The following SIPA1L1 variants were observed in gnomAD, a reference collection of about 807,000 sequenced individuals.
SIPA1L1 encodes signal-induced proliferation-associated 1-like protein 1.
SIPA1L1 carries 26 observed loss-of-function variants against 162.7 expected under a neutral mutation model. That is an observed-to-expected ratio of 0.16 (90% CI 0.12 to 0.22). The LOEUF (loss-of-function observed/expected upper bound fraction) is 0.22. SIPA1L1 is among the 10% of genes least tolerant of loss of function. The pLI, the probability that SIPA1L1 is intolerant of heterozygous loss-of-function variation, is 1.00. For missense variants in SIPA1L1, 1,874 were observed against 2,241.0 expected, an observed-to-expected ratio of 0.84 and a Z score of 3.31; for synonymous variants, 829 against 837.4, an observed-to-expected ratio of 0.99 and a Z score of 0.17.
At chr14:71,347,167 G>T (rs1161298263) in intron 2 of SIPA1L1, among the ~76,000 whole-genome samples, 1 of 151,622 alleles carries the variant, frequency 6.6e-6, no homozygotes, top group African/African-American at 2.4e-5. Context: ...CACCGCGTTG[G>T]CCAGGCTGGT....
At chr14:71,702,201 C>A in intron 14 of SIPA1L1, 180 bp from the exon 15 acceptor site, 2 of 603,746 alleles carry the variant, frequency 3.3e-6, no homozygotes, top group Non-Finnish European at 5.9e-6. Context: ...GTATATTGAC[C>A]ACAACATACA....
intron 2 of SIPA1L1, among the ~76,000 whole-genome samples, chr14:71,425,964 C>T (rs752076829): frequency 6.6e-5 from 10 of 151,730 alleles, no homozygotes; most frequent in South Asian, 2.1e-4. Context: ...TTAATGTAAG[C>T]GTTTTTGACC....
chr14:71,722,393 C>T (rs1398477563), intron 17 of SIPA1L1, among the ~76,000 whole-genome samples: 3 of 152,182 alleles, frequency 2.0e-5, no homozygotes, highest in East Asian at 1.9e-4. Flanking sequence ...TAGGTCAGGA[C>T]GATTCATTTT....
At position 71,417,150 on chromosome 14, in the gene SIPA1L1, G is replaced by C. The variant is rs537892383; in HGVS notation, c.-464-95593G>C. Among the ~76,000 whole-genome samples, 6 of 152,104 alleles carry C rather than the reference G, an allele frequency of 3.9e-5. No individual in the cohort carries two copies. The South Asian group carries it at 1.2e-3, about 32-fold the overall frequency. On this transcript the variant is annotated intron_variant, in intron 2 of 23. Transcript: ENST00000381232. ...TGAACAGTTGAATAACATGCATTTTGTATGTTATATGTATTATATACTGTG... is the reference window on the plus strand; with the variant it reads ...TGAACAGTTGAATAACATGCATTTTCTATGTTATATGTATTATATACTGTG...
chr14:71,321,951 A>C (rs2140128774), intron 2 of SIPA1L1: 1 of 152,326 alleles, frequency 6.6e-6, no homozygotes, highest in South Asian at 2.1e-4. Flanking sequence ...TCGTTTTCTA[A>C]GAGAAGCATT....
At chr14:71,408,047 T>C (rs548520503) in intron 2 of SIPA1L1, among the ~76,000 whole-genome samples, 1 of 152,332 alleles carries the variant, frequency 6.6e-6, no homozygotes, top group South Asian at 2.1e-4. Flanking sequence ...TTCCAGGTGA[T>C]GTGAGTTGTT....
rs146552013 is a variant in SIPA1L1, at chr14:71,453,217, A to G, written c.-464-59526A>G. ...CAGAACAATATGCCAATAATGACTCATCCCTTCTTTATTCATAGTAACTTT... is the reference window on the plus strand; with the variant it reads ...CAGAACAATATGCCAATAATGACTCGTCCCTTCTTTATTCATAGTAACTTT... On this transcript the variant is annotated intron_variant, in intron 2 of 23. Transcript: ENST00000381232. Among the ~76,000 whole-genome samples, 12 of 152,334 alleles carry G rather than the reference A, an allele frequency of 7.9e-5. No homozygotes were observed. The East Asian group carries it at 2.1e-3, about 27-fold the overall frequency.
chr14:71,646,218 C>A (rs921803617), intron 7 of SIPA1L1, among the ~76,000 whole-genome samples: 1 of 151,104 alleles, frequency 6.6e-6, no homozygotes, highest in African/African-American at 2.4e-5. Flanking sequence ...GCTCCGTCTC[C>A]CAGGCTGGAG....
At chr14:71,506,757 T>C (rs913418236) in intron 2 of SIPA1L1, among the ~76,000 whole-genome samples, 1 of 152,166 alleles carries the variant, frequency 6.6e-6, no homozygotes, top group African/African-American at 2.4e-5. Flanking sequence ...TAATATGGAA[T>C]TTATATTTCT....
At chr14:71,468,813 A>C (rs2047226514) in intron 2 of SIPA1L1, among the ~76,000 whole-genome samples, 2 of 152,216 alleles carry the variant, frequency 1.3e-5, no homozygotes, top group East Asian at 3.9e-4. Flanking sequence ...AGCTATATAA[A>C]AACCCATCAT....
At chr14:71,590,044 A>AATATATATATATATAT (rs58833289) in intron 5 of SIPA1L1, among the ~76,000 whole-genome samples, 41 of 59,552 alleles carry the variant, frequency 6.9e-4, no homozygotes, top group Non-Finnish European at 1.1e-3. Context: ...AAAAAAAAAA[A>AATATATATATATATAT]ATATATATAT....
intron 5 of SIPA1L1, among the ~76,000 whole-genome samples, chr14:71,599,273 C>T (rs2036438978): frequency 6.6e-6 from 1 of 151,114 alleles, no homozygotes; most frequent in East Asian, 2.0e-4. Flanking sequence ...GCCTCAGCCT[C>T]CCGAGTAGCT....
intron 2 of SIPA1L1, among the ~76,000 whole-genome samples, chr14:71,395,779 G>A (rs192777701): frequency 1.5e-3 from 221 of 152,334 alleles, no homozygotes; most frequent in African/African-American, 5.1e-3. Context: ...CCTTGGCCCA[G>A]TATATGGAGG....
intron 7 of SIPA1L1, 108 bp downstream of exon 7, chr14:71,624,344 A>G: frequency 1.1e-6 from 1 of 925,674 alleles, no homozygotes; most frequent in Non-Finnish European, 1.6e-6. Flanking sequence ...GATACTTTTT[A>G]TTGTGAAAGA....
intron 5 of SIPA1L1, among the ~76,000 whole-genome samples, chr14:71,590,289 G>A (rs892083121): frequency 4.0e-5 from 6 of 151,884 alleles, no homozygotes; most frequent in African/African-American, 1.5e-4. Context: ...GCTTACCCAC[G>A]AAGGACATAC....
chr14:71,595,245 T>G lies in SIPA1L1; in HGVS notation c.1498+5875T>G, dbSNP rs562781378. Among the ~76,000 whole-genome samples, 7 of 152,358 alleles carry G rather than the reference T, an allele frequency of 4.6e-5. No individual in the cohort carries two copies. In the South Asian group the frequency reaches 1.4e-3, roughly 32 times the overall value. On this transcript the variant is annotated intron_variant, in intron 5 of 23. Coordinates refer to ENST00000381232, the MANE Select transcript of SIPA1L1 (RefSeq NM_001386936.1). The stretch of plus-strand genomic sequence containing the variant: ...GAGCCAGTCATATAAAAACAGAGTT[T>G]GTTTTGCAGTAAAGCTGGTGATGAA...
At position 71,533,406 on chromosome 14, in the gene SIPA1L1, C is replaced by G. The variant is rs536889830; in HGVS notation, c.-303+4036C>G. On this transcript the variant is annotated intron_variant, in intron 4 of 23. Coordinates refer to ENST00000381232, the MANE Select transcript of SIPA1L1 (RefSeq NM_001386936.1). ...CAGCACTTCTTTCCCAGCGCTGTGT[C>G]TGCTCTAAAAAGGACAAGCAGATTT... Among the ~76,000 whole-genome samples, 126 of 152,238 alleles carry G rather than the reference C, an allele frequency of 8.3e-4. 2 individuals carry two copies. The highest frequency in any genetic ancestry group is 6.2e-4 in the Non-Finnish European group (42 of 68,018).
chr14:71,382,165 C>G (rs576673995), intron 2 of SIPA1L1, among the ~76,000 whole-genome samples: 1 of 152,242 alleles, frequency 6.6e-6, no homozygotes, highest in South Asian at 2.1e-4. Flanking sequence ...ATTATGCTGT[C>G]TAGTTAGAAT....
intron 2 of SIPA1L1, among the ~76,000 whole-genome samples, chr14:71,485,630 G>GA: frequency 6.6e-6 from 1 of 152,046 alleles, no homozygotes; most frequent in South Asian, 2.1e-4. Context: ...ACATTGTGGT[G>GA]AGTTGTATAA....
Sources: allele counts gnomAD v4.1 joint callset (sites outside exome capture counted in the v4.1 genomes callset), GRCh38; gene constraint gnomAD v4.1.1; transcripts MANE v1.5; gene names NCBI Gene and HGNC (gene_info 2026-07-23, HGNC 2026-07-21).